CDC42BPA: variants seen among roughly 807,000 people sequenced by gnomAD.
CDC42BPA encodes the protein serine/threonine-protein kinase MRCK alpha.
Under a neutral mutation model 223.5 loss-of-function variants are expected in CDC42BPA, and 80 were observed. That is an observed-to-expected ratio of 0.36 (90% CI 0.30 to 0.43). CDC42BPA has a LOEUF of 0.43. Among genes scored for constraint, CDC42BPA ranks in the 20% least tolerant of loss-of-function variants. CDC42BPA has a pLI of 1.00. For synonymous variants in CDC42BPA, 694 were observed against 718.6 expected (o/e 0.97, Z 0.55); for missense variants, 1,743 against 2,099.9 (o/e 0.83, Z 3.32).
In CDC42BPA at chr1:227,028,666, A is replaced by G; in HGVS notation, c.4423T>C (p.Ser1475Pro). 6.4e-7 allele frequency: 1 copy of G among 1,553,648 alleles called. No homozygotes were observed. Among genetic ancestry groups the G allele is most frequent in the African/African-American group, 1.4e-5 (1 of 73,410 alleles). ...QQELMWPANPSSCCYNAPYLS... is the reference protein window; with the variant it reads ...QQELMWPANPPSCCYNAPYLS... ...AGAAAGAGAATCTTACAACAAGAGG[A>G]AGGATTTGCTGGCCACATCAATTCC... Residue 1475 changes from serine to proline, a missense_variant, in exon 30 of 37, where the codon TCC becomes CCC. Physicochemically the swap from Ser to Pro is moderately conservative, Grantham distance 74. Coordinates refer to ENST00000366766, the MANE Select transcript of CDC42BPA (RefSeq NM_001394014.1).
intron 15 of CDC42BPA, among the ~76,000 whole-genome samples, chr1:227,095,367 T>C (rs995679766): frequency 6.6e-6 from 1 of 152,204 alleles, no homozygotes; most frequent in Non-Finnish European, 1.5e-5. Flanking sequence ...TTCTCAACCC[T>C]AGATTGTATT....
intron 6 of CDC42BPA, among the ~76,000 whole-genome samples, chr1:227,151,257 G>A (rs908178802): frequency 3.3e-5 from 5 of 152,058 alleles, no homozygotes; most frequent in Non-Finnish European, 5.9e-5. Context: ...TAAAATATTT[G>A]TACTTTTCTA....
intron 6 of CDC42BPA, among the ~76,000 whole-genome samples, chr1:227,159,680 G>C (rs1226580659): frequency 6.6e-6 from 1 of 151,786 alleles, no homozygotes; most frequent in Non-Finnish European, 1.5e-5. Flanking sequence ...TAAAACTGTG[G>C]CATATAAACT....
intron 1 of CDC42BPA, among the ~76,000 whole-genome samples, chr1:227,274,452 G>A (rs903221265): frequency 6.6e-6 from 1 of 152,176 alleles, no homozygotes; most frequent in Admixed American, 6.5e-5. Flanking sequence ...GAAGTGTTAT[G>A]TCTTCCAAAC....
chr1:227,112,248 A>G (rs1005987453), intron 14 of CDC42BPA, 64 bp downstream of exon 14: 9 of 893,720 alleles, frequency 1.0e-5, no homozygotes, highest in Non-Finnish European at 1.6e-5. Context: ...ACAAGCTAAC[A>G]CTCCTAACAA....
chr1:227,285,380 T>C (rs1010782840), intron 1 of CDC42BPA, among the ~76,000 whole-genome samples: 1 of 152,256 alleles, frequency 6.6e-6, no homozygotes, highest in African/African-American at 2.4e-5. Context: ...GCACCACTTC[T>C]TCTGAGGACT....
intron 17 of CDC42BPA, among the ~76,000 whole-genome samples, chr1:227,076,978 T>C (rs16846993): frequency 0.032 from 4,809 of 152,296 alleles, 225 homozygotes; most frequent in African/African-American, 0.11. Context: ...AAAACTCAAC[T>C]ACAGAAGGCC....
chr1:227,146,062 T>C (rs776106056), intron 7 of CDC42BPA, among the ~76,000 whole-genome samples: 1 of 152,150 alleles, frequency 6.6e-6, no homozygotes, highest in Non-Finnish European at 1.5e-5. Context: ...TCAAGATAGA[T>C]GATTGATAAT....
chr1:227,125,731 A>T (rs1297098240), intron 11 of CDC42BPA, among the ~76,000 whole-genome samples: 1 of 151,888 alleles, frequency 6.6e-6, no homozygotes, highest in Non-Finnish European at 1.5e-5. Flanking sequence ...TCTACCTCCA[A>T]CCTGGGTTGG....
chr1:227,172,660 A>T (rs1558671529), intron 5 of CDC42BPA, among the ~76,000 whole-genome samples: 1 of 152,096 alleles, frequency 6.6e-6, no homozygotes, highest in African/African-American at 2.4e-5. Flanking sequence ...AGTAGGATAG[A>T]TAGTATAGTT....
At chr1:227,301,463 G>A (rs7548118) in intron 1 of CDC42BPA, among the ~76,000 whole-genome samples, 17,550 of 151,860 alleles carry the variant, frequency 0.12, 1,223 homozygotes, top group South Asian at 0.19. Flanking sequence ...GGGTTCAAGC[G>A]ATTCTCCTGC....
chr1:227,208,271 G>GC (rs1673192002), intron 3 of CDC42BPA, among the ~76,000 whole-genome samples: 1 of 150,922 alleles, frequency 6.6e-6, no homozygotes, highest in Admixed American at 6.6e-5. Flanking sequence ...AGCCCTTTGA[G>GC]TAGGTTGCAA....
At chr1:227,266,263 G>A (rs897364418) in intron 1 of CDC42BPA, among the ~76,000 whole-genome samples, 1 of 152,128 alleles carries the variant, frequency 6.6e-6, no homozygotes, top group Admixed American at 6.5e-5. Context: ...AGCTTCTAGG[G>A]TCTTTCCTTA....
chr1:227,192,713 C>T (rs936555093), intron 5 of CDC42BPA, among the ~76,000 whole-genome samples: 3 of 151,968 alleles, frequency 2.0e-5, no homozygotes, highest in Non-Finnish European at 4.4e-5. Flanking sequence ...TTTTGTGTGT[C>T]CTTCCAAATT....
intron 1 of CDC42BPA, among the ~76,000 whole-genome samples, chr1:227,260,968 C>T (rs1472475558): frequency 1.3e-5 from 2 of 150,848 alleles, no homozygotes; most frequent in Non-Finnish European, 2.9e-5. Context: ...TGTGACTATA[C>T]ATTAATGAGT....
rs1295452603 is a variant in CDC42BPA, at chr1:227,091,879, C to A, written c.2355+7G>T. 1.3e-6 allele frequency: 2 copies of A among 1,483,544 alleles called. No homozygotes were observed. The highest frequency in any genetic ancestry group is 2.3e-5 in the East Asian group (1 of 44,050). 91.9% of individuals were successfully genotyped at this position (1,483,544 alleles called of 1,614,324 possible). A position where few individuals can be genotyped will look rare whatever the true frequency, so the allele number is the denominator to read the frequency against. On this transcript the variant is annotated splice_region_variant and intron_variant, in intron 16 of 36. Coordinates refer to ENST00000366766, the MANE Select transcript of CDC42BPA (RefSeq NM_001394014.1). ...CTACTCAATTAATATGAGATTAAAT[C>A]ACTCACCTTATCAAGTTCACTCGTC...
chr1:227,288,204 C>T (rs1424012258), intron 1 of CDC42BPA, among the ~76,000 whole-genome samples: 1 of 152,022 alleles, frequency 6.6e-6, no homozygotes, highest in Non-Finnish European at 1.5e-5. Context: ...CATTATTTCC[C>T]AATATCCTCA....
At chr1:227,006,982 A>T (rs936082320) in intron 34 of CDC42BPA, among the ~76,000 whole-genome samples, 1 of 151,854 alleles carries the variant, frequency 6.6e-6, no homozygotes, top group Admixed American at 6.6e-5. Context: ...AACAACAACA[A>T]CAACAACAAC....
At chr1:227,149,052 C>T (rs1295723099) in intron 6 of CDC42BPA, among the ~76,000 whole-genome samples, 2 of 151,944 alleles carry the variant, frequency 1.3e-5, no homozygotes, top group Admixed American at 1.3e-4. Context: ...CATGAGGGGG[C>T]GAGTTTGAAG....
Sources: allele counts gnomAD v4.1 joint callset (sites outside exome capture counted in the v4.1 genomes callset), GRCh38; gene constraint gnomAD v4.1.1; transcripts MANE v1.5; gene names NCBI Gene and HGNC (gene_info 2026-07-23, HGNC 2026-07-21).